The following DCLK1 variants were observed in gnomAD, a reference collection of about 807,000 sequenced individuals.
DCLK1 encodes the protein serine/threonine-protein kinase DCLK1.
In DCLK1, 16 loss-of-function variants were observed where a neutral mutation model predicts 86.2. The ratio of observed to expected loss-of-function variants is 0.19; its 90% CI spans 0.13 to 0.28. The LOEUF is 0.28. DCLK1 is among the 10% of genes least tolerant of loss of function. The pLI is 1.00. For missense variants in DCLK1, 590 were observed against 940.2 expected (o/e 0.63, Z 4.87); for synonymous variants, 369 against 370.5 (o/e 1.00, Z 0.05).
At chr13:35,916,375 G>A (rs1451311012) in intron 4 of DCLK1, among the ~76,000 whole-genome samples, 1 of 152,146 alleles carries the variant, frequency 6.6e-6, no homozygotes, top group Non-Finnish European at 1.5e-5. Context: ...CTTCCAGGCA[G>A]TCCCTCTGAC....
At chr13:35,840,462 G>T (rs544715102) in intron 6 of DCLK1, among the ~76,000 whole-genome samples, 145 of 152,180 alleles carry the variant, frequency 9.5e-4, no homozygotes, top group Non-Finnish European at 1.4e-3. Context: ...GTTCATCAAA[G>T]CTCACAGTTG....
At chr13:36,103,772 ACTGCAGGTTTGTGTCT>A (rs1456759298) in intron 3 of DCLK1, among the ~76,000 whole-genome samples, 1 of 152,198 alleles carries the variant, frequency 6.6e-6, no homozygotes, top group Non-Finnish European at 1.5e-5. Context: ...ACCCTTGAAT[ACTGCAGGTTTGTGTCT>A]CTGCAATAAT....
At chr13:35,834,478 G>T (rs572000252) in intron 8 of DCLK1, among the ~76,000 whole-genome samples, 33 of 152,252 alleles carry the variant, frequency 2.2e-4, no homozygotes, top group African/African-American at 7.2e-4. Context: ...GACCTTGGGC[G>T]CTTAACATGT....
intron 8 of DCLK1, among the ~76,000 whole-genome samples, chr13:35,832,462 T>C (rs1483634505): frequency 6.6e-6 from 1 of 152,130 alleles, no homozygotes; most frequent in African/African-American, 2.4e-5. Flanking sequence ...TAGCATTCAT[T>C]GAATTTCATG....
At chr13:36,063,451 A>G (rs953841479) in intron 3 of DCLK1, among the ~76,000 whole-genome samples, 7 of 152,098 alleles carry the variant, frequency 4.6e-5, no homozygotes, top group African/African-American at 1.5e-4. Context: ...TTCAAAATAT[A>G]TAAGAGAAAA....
chr13:35,870,897 T>G (rs1313102901), intron 5 of DCLK1, among the ~76,000 whole-genome samples: 1 of 152,216 alleles, frequency 6.6e-6, no homozygotes, highest in East Asian at 1.9e-4. Flanking sequence ...CAGTCTCAGG[T>G]AGAATAAATG....
chr13:35,866,840 A>T (rs1373526627), intron 5 of DCLK1, among the ~76,000 whole-genome samples: 1 of 152,208 alleles, frequency 6.6e-6, no homozygotes, highest in Non-Finnish European at 1.5e-5. Flanking sequence ...GGCTATTTTA[A>T]GAAAATGTGA....
intron 3 of DCLK1, among the ~76,000 whole-genome samples, chr13:36,053,003 A>C (rs1883180945): frequency 6.6e-6 from 1 of 152,150 alleles, no homozygotes; most frequent in African/African-American, 2.4e-5. Flanking sequence ...GGGAAGTTCC[A>C]TTTGTTTTCC....
chr13:35,951,726 A>T (rs1877704656), intron 3 of DCLK1, among the ~76,000 whole-genome samples: 1 of 152,084 alleles, frequency 6.6e-6, no homozygotes, highest in African/African-American at 2.4e-5. Flanking sequence ...AATTCAGCCG[A>T]GAGTGACTTA....
At chr13:35,813,137 A>C (rs2087185296) in intron 11 of DCLK1, among the ~76,000 whole-genome samples, 1 of 152,230 alleles carries the variant, frequency 6.6e-6, no homozygotes, top group Non-Finnish European at 1.5e-5. Context: ...GAGGCAGAGC[A>C]GAATTGTTTA....
chr13:35,981,238 G>T (rs769025682), intron 3 of DCLK1, among the ~76,000 whole-genome samples: 19 of 149,730 alleles, frequency 1.3e-4, no homozygotes, highest in Non-Finnish European at 2.7e-4. Context: ...TTTTTTTTTT[G>T]TGACAGGCTT....
intron 5 of DCLK1, among the ~76,000 whole-genome samples, chr13:35,861,603 T>G (rs1871387177): frequency 6.6e-6 from 1 of 152,160 alleles, no homozygotes; most frequent in South Asian, 2.1e-4. Context: ...CCCCATTCAG[T>G]TCTCATGCTA....
intron 3 of DCLK1, among the ~76,000 whole-genome samples, chr13:36,079,786 G>A (rs7331892): frequency 1.3e-5 from 2 of 152,082 alleles, no homozygotes; most frequent in Admixed American, 6.5e-5. Context: ...CATCAATAGC[G>A]GAAGATATCC....
intron 3 of DCLK1, among the ~76,000 whole-genome samples, chr13:35,968,863 G>T (rs1878916585): frequency 6.6e-6 from 1 of 152,130 alleles, no homozygotes; most frequent in Admixed American, 6.5e-5. Flanking sequence ...AGCACAAACT[G>T]AAGAAAGAGT....
intron 3 of DCLK1, among the ~76,000 whole-genome samples, chr13:36,008,244 T>C (rs1278749796): frequency 3.2e-5 from 4 of 125,764 alleles, no homozygotes; most frequent in East Asian, 2.8e-4. Context: ...TAATTATACT[T>C]TAAGTTTTAG....
chr13:35,860,783 A>T (rs1049351668), intron 5 of DCLK1, among the ~76,000 whole-genome samples: 32 of 152,328 alleles, frequency 2.1e-4, no homozygotes, highest in African/African-American at 7.2e-4. Context: ...TCTGTGAATC[A>T]GCTGCTGCAG....
chr13:35,886,853 A>C (rs998934951), intron 4 of DCLK1, among the ~76,000 whole-genome samples: 4 of 152,212 alleles, frequency 2.6e-5, no homozygotes, highest in Non-Finnish European at 4.4e-5. Flanking sequence ...AAACATTTAG[A>C]AAACCTGGAG....
intron 3 of DCLK1, among the ~76,000 whole-genome samples, chr13:35,952,323 T>G (rs1333991090): frequency 2.0e-5 from 3 of 152,226 alleles, no homozygotes; most frequent in African/African-American, 7.2e-5. Flanking sequence ...ATTCTATCAG[T>G]ATCATTACTT....
At chr13:35,976,679 C>T (rs1414748848) in intron 3 of DCLK1, among the ~76,000 whole-genome samples, 9 of 151,574 alleles carry the variant, frequency 5.9e-5, no homozygotes, top group South Asian at 2.1e-4. Flanking sequence ...TACAGGCGCC[C>T]GCCACTGCGC....
Sources: gnomAD v4.1 joint callset for allele counts (sites outside exome capture counted in the v4.1 genomes callset) on GRCh38, gnomAD v4.1.1 for gene constraint, MANE v1.5 for transcripts, NCBI Gene and HGNC (gene_info 2026-07-23, HGNC 2026-07-21) for gene names.